Variants in WDTC1 observed in about 807,000 individuals in gnomAD.
WDTC1 encodes the protein WD and tetratricopeptide repeats protein 1.
Under a neutral mutation model 76.0 loss-of-function variants are expected in WDTC1, and 12 were observed. The observed-to-expected ratio is 0.16, with a 90% CI of 0.10 to 0.26. The LOEUF (loss-of-function observed/expected upper bound fraction) is 0.26, where lower values mean the gene tolerates loss of function less well. WDTC1 is among the 10% of genes least tolerant of loss of function. The pLI, the probability that WDTC1 is intolerant of heterozygous loss-of-function variation, is 1.00. For missense variants in WDTC1, 511 were observed against 908.8 expected, an observed-to-expected ratio of 0.56 and a Z score of 5.63; for synonymous variants, 326 against 350.8, an observed-to-expected ratio of 0.93 and a Z score of 0.79.
chr1:27,281,043 T>C (rs2013171993), intron 3 of WDTC1, among the ~76,000 whole-genome samples: 1 of 152,110 alleles, frequency 6.6e-6, no homozygotes, highest in African/African-American at 2.4e-5. Flanking sequence ...TCTGACCTAA[T>C]TTACCTTACT....
At chr1:27,270,737 G>A (rs2012844981) in intron 3 of WDTC1, among the ~76,000 whole-genome samples, 1 of 152,044 alleles carries the variant, frequency 6.6e-6, no homozygotes, top group African/African-American at 2.4e-5. Context: ...AGGCAACAGA[G>A]TAAGATCCTA....
chr1:27,246,501 G>T (rs922045258), intron 1 of WDTC1, among the ~76,000 whole-genome samples: 1 of 151,736 alleles, frequency 6.6e-6, no homozygotes, highest in Non-Finnish European at 1.5e-5. Flanking sequence ...TCTAATTTGG[G>T]CTATTATGAA....
At chr1:27,296,214 C>A in intron 9 of WDTC1, 112 bp from the exon 10 acceptor site, 1 of 1,244,890 alleles carries the variant, frequency 8.0e-7, no homozygotes. Context: ...CTATGCTCAA[C>A]ACTCACTGTG....
At chr1:27,240,269 A>G (rs1221359219) in intron 1 of WDTC1, among the ~76,000 whole-genome samples, 1 of 152,116 alleles carries the variant, frequency 6.6e-6, no homozygotes, top group African/African-American at 2.4e-5. Context: ...CACTTTACAA[A>G]TGAGAAACTG....
In WDTC1 at chr1:27,245,878, C is replaced by T. The variant is rs183133935; in HGVS notation, c.-100+10927C>T. ...AGCCACTGTAATCCTATGGGACATG[C>T]TATGGGAGGTAGCATGTCCAGAGGA... On this transcript the variant is annotated intron_variant, in intron 1 of 15. Coordinates refer to ENST00000319394, the MANE Select transcript of WDTC1 (RefSeq NM_001276252.2). Among the ~76,000 whole-genome samples, 152 of 151,676 alleles carry T rather than the reference C, an allele frequency of 1.0e-3. 5 individuals are homozygous for T. Among genetic ancestry groups the T allele is most frequent in the African/African-American group, 3.6e-3 (149 of 41,102 alleles).
At chr1:27,252,449 A>G (rs1279005031) in intron 1 of WDTC1, among the ~76,000 whole-genome samples, 1 of 152,200 alleles carries the variant, frequency 6.6e-6, no homozygotes, top group Non-Finnish European at 1.5e-5. Flanking sequence ...CATTAATGTT[A>G]TTAGAGCTTC....
At chr1:27,277,688 T>C (rs560668873) in intron 3 of WDTC1, among the ~76,000 whole-genome samples, 2 of 152,352 alleles carry the variant, frequency 1.3e-5, no homozygotes, top group Admixed American at 1.3e-4. Context: ...TAAATGTCTA[T>C]TCTTATGCCA....
At chr1:27,299,812 C>T (rs1219194298) in intron 12 of WDTC1, among the ~76,000 whole-genome samples, 2 of 152,106 alleles carry the variant, frequency 1.3e-5, no homozygotes, top group Admixed American at 1.3e-4. Flanking sequence ...AGGGTGAGCC[C>T]TGGGGCCAGC....
intron 1 of WDTC1, among the ~76,000 whole-genome samples, chr1:27,241,930 C>T (rs559799932): frequency 2.2e-4 from 33 of 148,632 alleles, no homozygotes; most frequent in African/African-American, 7.9e-4. Flanking sequence ...CTCGCTGTGT[C>T]ACCCAAGATG....
intron 1 of WDTC1, among the ~76,000 whole-genome samples, chr1:27,259,625 C>T: frequency 6.6e-6 from 1 of 152,108 alleles, no homozygotes; most frequent in African/African-American, 2.4e-5. Context: ...TGCACCACCA[C>T]ACCTGACTTT....
chr1:27,306,106 C>T lies in WDTC1; in HGVS notation c.1837-80C>T. 1 of 1,484,980 alleles carries T rather than the reference C, an allele frequency of 6.7e-7. No homozygotes were observed. Among genetic ancestry groups the T allele is most frequent in the East Asian group, 2.3e-5 (1 of 43,988 alleles). The allele number at this position is 1,484,980 out of a possible 1,614,324, so 92.0% of individuals were successfully genotyped here. On this transcript the variant is annotated intron_variant, in intron 15 of 15. Transcript: ENST00000319394. The surrounding 1 kb of genome is among the most constrained non-coding windows in gnomAD (Gnocchi z 5.0). ...TATAGATAGTTTAGTCTGTGTATTT[C>T]CCTCCCCCTCCCCTATACGTGTACC...
At chr1:27,263,721 G>A (rs1454876062) in intron 3 of WDTC1, among the ~76,000 whole-genome samples, 5 of 152,106 alleles carry the variant, frequency 3.3e-5, no homozygotes, top group South Asian at 2.1e-4. Flanking sequence ...GAGCCACCGC[G>A]CCTGGCCTTA....
chr1:27,241,858 C>T (rs1168570240), intron 1 of WDTC1, among the ~76,000 whole-genome samples: 1 of 150,816 alleles, frequency 6.6e-6, no homozygotes, highest in Admixed American at 6.6e-5. Context: ...TCACAAAGCT[C>T]AAACAAGTGG....
intron 3 of WDTC1, among the ~76,000 whole-genome samples, chr1:27,275,148 T>G (rs1248530650): frequency 6.6e-6 from 1 of 152,228 alleles, no homozygotes; most frequent in African/African-American, 2.4e-5. Flanking sequence ...ATTATGTATC[T>G]ATCTCACCTT....
In WDTC1 at chr1:27,303,550, C is replaced by G; in HGVS notation, c.1469-71C>G. Reference sequence around the variant, plus strand: ...TCAGACTTTGGACTGAAAACAGAGCCATAGGTGGGGGAAAATAGGGAAGGA... The same window carrying G: ...TCAGACTTTGGACTGAAAACAGAGCGATAGGTGGGGGAAAATAGGGAAGGA... On this transcript the variant is annotated intron_variant, in intron 13 of 15. Coordinates refer to ENST00000319394, the MANE Select transcript of WDTC1 (RefSeq NM_001276252.2). This position sits in a 1 kb window ranked among gnomAD's most constrained non-coding sequence, Gnocchi z 4.8. 1 of 1,508,756 alleles carries G rather than the reference C, an allele frequency of 6.6e-7. No individual in the cohort carries two copies. The highest frequency in any genetic ancestry group is 8.8e-7 in the Non-Finnish European group (1 of 1,133,416). 93.5% of individuals were successfully genotyped at this position (1,508,756 alleles called of 1,614,324 possible).
intron 3 of WDTC1, among the ~76,000 whole-genome samples, chr1:27,269,653 C>T (rs2012800148): frequency 9.1e-6 from 1 of 109,858 alleles, no homozygotes; most frequent in African/African-American, 3.4e-5. Context: ...ATTGCTCTGT[C>T]ACCCAGGCTG....
At chr1:27,289,780 G>A (rs2013477488) in intron 6 of WDTC1, among the ~76,000 whole-genome samples, 1 of 151,888 alleles carries the variant, frequency 6.6e-6, no homozygotes, top group African/African-American at 2.4e-5. Context: ...GTTAGGAGCT[G>A]GAGACCGGCC....
intron 1 of WDTC1, among the ~76,000 whole-genome samples, chr1:27,244,719 T>C (rs1411785229): frequency 1.3e-5 from 2 of 152,196 alleles, no homozygotes; most frequent in Non-Finnish European, 2.9e-5. Context: ...CTTTCATCTT[T>C]TTTGTAGGAT....
chr1:27,254,265 A>C lies in WDTC1; in HGVS notation c.-99-6691A>C, dbSNP rs568380722. Among the ~76,000 whole-genome samples, 7 of 152,288 alleles carry C rather than the reference A, an allele frequency of 4.6e-5. No homozygotes were observed. In the South Asian group the frequency reaches 1.5e-3, roughly 32 times the overall value. The stretch of plus-strand genomic sequence containing the variant: ...AAGATGAGCTCTCTACCAGTATGCT[A>C]TCATTTCTTCTCAGGATGGGAGCAG... On this transcript the variant is annotated intron_variant, in intron 1 of 15. Transcript: ENST00000319394.
Sources: allele counts gnomAD v4.1 joint callset (sites outside exome capture counted in the v4.1 genomes callset), GRCh38; gene constraint gnomAD v4.1.1; non-coding constraint Gnocchi (gnomAD v3.1); transcripts MANE v1.5; gene names NCBI Gene and HGNC (gene_info 2026-07-23, HGNC 2026-07-21).